Variants in COLEC10 observed in about 807,000 individuals in gnomAD.
COLEC10 encodes collectin subfamily member 10.
COLEC10 carries 22 observed loss-of-function variants against 28.4 expected under a neutral mutation model. The observed-to-expected ratio is 0.78, with a 90% CI of 0.55 to 1.11. The LOEUF is 1.11. Among genes scored for constraint, COLEC10 ranks in the 50% least tolerant of loss-of-function variants. COLEC10 has a pLI of 0.00. For missense variants in COLEC10, 361 were observed against 344.1 expected, an observed-to-expected ratio of 1.05 and a Z score of -0.39; for synonymous variants, 125 against 116.1, an observed-to-expected ratio of 1.08 and a Z score of -0.49.
intron 1 of COLEC10, among the ~76,000 whole-genome samples, chr8:119,005,558 G>A (rs1438761917): frequency 6.6e-6 from 1 of 152,122 alleles, no homozygotes; most frequent in Non-Finnish European, 1.5e-5. Context: ...ATAGTTCAGA[G>A]ATGTTTTATG....
intron 3 of COLEC10, among the ~76,000 whole-genome samples, chr8:119,096,043 T>C (rs1815709501): frequency 6.6e-6 from 1 of 151,262 alleles, no homozygotes; most frequent in South Asian, 2.1e-4. Flanking sequence ...TACTGAGTTA[T>C]TGGCTATTCA....
At chr8:118,954,634 C>A in the COLEC10 span, among the ~76,000 whole-genome samples, 1 of 152,204 alleles carries the variant, frequency 6.6e-6, no homozygotes, top group South Asian at 2.1e-4. Flanking sequence ...ATATATGTGA[C>A]GCTAACTTTC....
chr8:119,105,797 C>A lies in COLEC10; in HGVS notation c.443-3C>A. The stretch of plus-strand genomic sequence containing the variant: ...AATGATACTCCTTTTTCTCTCCCTG[C>A]AGTGATAGCAGGGATTAGGGAAACT... On this transcript the variant is annotated splice_region_variant and splice_polypyrimidine_tract_variant and intron_variant, in intron 5 of 5. Transcript: ENST00000332843. The A allele has an allele frequency of 1.2e-6, 2 of 1,604,830 alleles. No homozygotes were observed. Among genetic ancestry groups the A allele is most frequent in the Non-Finnish European group, 1.7e-6 (2 of 1,173,858 alleles).
Position 119,107,613 on chromosome 8 carries a change from G to A in COLEC10, c.*1422G>A, listed in dbSNP as rs532316017. ...TGGTTATGAGATAGGACTTAATTAG[G>A]TTATTTCTGTGGGTTCAACAAGGGC... On this transcript the variant is annotated 3_prime_UTR_variant, in exon 6 of 6. Coordinates refer to ENST00000332843, the MANE Select transcript of COLEC10 (RefSeq NM_006438.5). Among the ~76,000 whole-genome samples, 6 of 152,198 alleles carry A rather than the reference G, an allele frequency of 3.9e-5. No homozygotes were observed. Among genetic ancestry groups the A allele is most frequent in the African/African-American group, 1.4e-4 (6 of 41,542 alleles).
chr8:119,006,407 A>G (rs540566587), intron 1 of COLEC10, among the ~76,000 whole-genome samples: 161 of 152,100 alleles, frequency 1.1e-3, no homozygotes, highest in African/African-American at 3.3e-3. Flanking sequence ...TCCCCTGTTC[A>G]TCTCTTCTGC....
At chr8:119,075,971 G>A (rs1487234722) in intron 1 of COLEC10, among the ~76,000 whole-genome samples, 7 of 142,362 alleles carry the variant, frequency 4.9e-5, no homozygotes, top group African/African-American at 1.3e-4. Flanking sequence ...TGCGATCTCG[G>A]CTCACTGCAA....
chr8:118,971,660 A>T, the COLEC10 span, among the ~76,000 whole-genome samples: 1 of 151,924 alleles, frequency 6.6e-6, no homozygotes, highest in East Asian at 1.9e-4. Context: ...AGCCATTTTA[A>T]TTTGGTTTTC....
chr8:119,055,863 C>T (rs1411114473), intron 2 of COLEC10, among the ~76,000 whole-genome samples: 1 of 151,664 alleles, frequency 6.6e-6, no homozygotes, highest in Non-Finnish European at 1.5e-5. Context: ...TTTTTTTCTT[C>T]TCAGTTTCTA....
chr8:118,977,245 A>C, the COLEC10 span, among the ~76,000 whole-genome samples: 1 of 145,278 alleles, frequency 6.9e-6, no homozygotes. Context: ...CCATCCCATT[A>C]CTGGGTATAT....
chr8:119,044,445 G>T (rs903611063), intron 2 of COLEC10, among the ~76,000 whole-genome samples: 3 of 152,142 alleles, frequency 2.0e-5, no homozygotes, highest in Non-Finnish European at 2.9e-5. Flanking sequence ...GTGTAGTTTT[G>T]CAAGGTGTAT....
At chr8:119,075,627 G>T (rs534650035) in intron 1 of COLEC10, among the ~76,000 whole-genome samples, 1 of 152,192 alleles carries the variant, frequency 6.6e-6, no homozygotes, top group South Asian at 2.1e-4. Flanking sequence ...ATTTACAAAG[G>T]TTAATCCATT....
intron 2 of COLEC10, among the ~76,000 whole-genome samples, chr8:119,051,564 G>C (rs1006560254): frequency 6.6e-6 from 1 of 152,146 alleles, no homozygotes; most frequent in African/African-American, 2.4e-5. Flanking sequence ...AGATGGGGCT[G>C]AATCACTGTT....
chr8:118,954,291 T>A, the COLEC10 span, among the ~76,000 whole-genome samples: 3 of 152,246 alleles, frequency 2.0e-5, no homozygotes, highest in African/African-American at 7.2e-5. Context: ...GTGGGCCCTT[T>A]ATTCATCACT....
At chr8:119,065,939 C>G (rs1587034077), upstream of COLEC10, among the ~76,000 whole-genome samples, 1 of 152,090 alleles carries the variant, frequency 6.6e-6, no homozygotes, top group Non-Finnish European at 1.5e-5. Context: ...CCATCTTCCC[C>G]ATAGAAAAAT....
chr8:118,989,726 ATG>A, the COLEC10 span, among the ~76,000 whole-genome samples: 2 of 151,176 alleles, frequency 1.3e-5, no homozygotes, highest in Non-Finnish European at 3.0e-5. Context: ...AAAAATTTGC[ATG>A]TGTGTGTGTG....
At chr8:119,100,710 T>C (rs1334467292) in intron 3 of COLEC10, among the ~76,000 whole-genome samples, 1 of 152,204 alleles carries the variant, frequency 6.6e-6, no homozygotes, top group East Asian at 1.9e-4. Context: ...CCTCTCAGAC[T>C]ATGTTATCTC....
upstream of COLEC10, among the ~76,000 whole-genome samples, chr8:119,062,523 A>T (rs1288633275): frequency 6.6e-6 from 1 of 151,362 alleles, no homozygotes; most frequent in African/African-American, 2.4e-5. Flanking sequence ...TCTGTTGCTC[A>T]GGCTGCAGTG....
At chr8:119,076,540 G>A (rs1815241797) in intron 1 of COLEC10, among the ~76,000 whole-genome samples, 3 of 152,190 alleles carry the variant, frequency 2.0e-5, no homozygotes, top group Admixed American at 1.3e-4. Context: ...TGGGATTACA[G>A]GCGTGAGCCA....
intron 2 of COLEC10, among the ~76,000 whole-genome samples, chr8:119,047,425 A>G (rs1814605309): frequency 6.6e-6 from 1 of 152,232 alleles, no homozygotes. Context: ...GTATGTTACA[A>G]CATATGCTGT....
Sources: gnomAD v4.1 joint callset for allele counts (sites outside exome capture counted in the v4.1 genomes callset) on GRCh38, gnomAD v4.1.1 for gene constraint, MANE v1.5 for transcripts, NCBI Gene and HGNC (gene_info 2026-07-23, HGNC 2026-07-21) for gene names.